EMSY: variants seen among roughly 807,000 people sequenced by gnomAD.
EMSY encodes EMSY transcriptional repressor, BRCA2 interacting, also known as BRCA2-interacting transcriptional repressor EMSY.
Under a neutral mutation model 134.6 loss-of-function variants are expected in EMSY, and 26 were observed. The ratio of observed to expected loss-of-function variants is 0.19; its 90% confidence interval spans 0.14 to 0.27. The LOEUF (loss-of-function observed/expected upper bound fraction) is 0.27. EMSY is among the 10% of genes least tolerant of loss of function. The pLI, the probability that EMSY is intolerant of heterozygous loss-of-function variation, is 1.00. For missense variants in EMSY, 1,305 were observed against 1,611.4 expected, an observed-to-expected ratio of 0.81 and a Z score of 3.26; for synonymous variants, 579 against 577.8, an observed-to-expected ratio of 1.00 and a Z score of -0.03.
At chr11:76,533,813 C>T (rs1951129759) in intron 14 of EMSY, among the ~76,000 whole-genome samples, 1 of 152,174 alleles carries the variant, frequency 6.6e-6, no homozygotes, top group Non-Finnish European at 1.5e-5. Context: ...ACGCACACTG[C>T]ATAAGCACAT....
chr11:76,545,651 C>A, intron 19 of EMSY, 146 bp from the exon 21 acceptor site: 1 of 1,010,526 alleles, frequency 9.9e-7, no homozygotes, highest in South Asian at 1.8e-5. Context: ...CCTTCCTATC[C>A]AGCCCTCTTT....
chr11:76,552,009 A>G (rs1951847862), downstream of EMSY: 1 of 152,214 alleles, frequency 6.6e-6, no homozygotes, highest in Non-Finnish European at 1.5e-5. Flanking sequence ...GTGTCCCTTG[A>G]GAATTTAGCC....
At chr11:76,469,703 T>TATC (rs1164370270) in intron 7 of EMSY, among the ~76,000 whole-genome samples, 1 of 152,160 alleles carries the variant, frequency 6.6e-6, no homozygotes, top group Non-Finnish European at 1.5e-5. Flanking sequence ...TAGGTATTAT[T>TATC]ATCCCCATTT....
intron 8 of EMSY, among the ~76,000 whole-genome samples, chr11:76,473,483 AT>A (rs1385515749): frequency 2.0e-5 from 3 of 150,746 alleles, no homozygotes; most frequent in Admixed American, 1.3e-4. Flanking sequence ...TTTTTTTTGT[AT>A]TTTTGGTAGA....
chr11:76,448,443 G>C (rs562110681), intron 2 of EMSY, among the ~76,000 whole-genome samples: 2 of 152,058 alleles, frequency 1.3e-5, no homozygotes, highest in African/African-American at 4.8e-5. Context: ...ATATTTATTT[G>C]ATAGCTGAAA....
exon 9 of EMSY, chr11:76,496,307 C>A (rs756104983): frequency 6.2e-7 from 1 of 1,614,078 alleles, no homozygotes; most frequent in Non-Finnish European, 8.5e-7. Flanking sequence ...TGCACAGTTC[C>A]CTAAACAACA....
At chr11:76,451,783 T>C in intron 2 of EMSY, 75 bp from the exon 3 acceptor site, 1 of 856,936 alleles carries the variant, frequency 1.2e-6, no homozygotes, top group Non-Finnish European at 1.7e-6. Flanking sequence ...TTTTTTGCCC[T>C]GAAGTTTCAC....
chr11:76,498,388 G>A (rs981171596), intron 9 of EMSY, among the ~76,000 whole-genome samples: 1 of 152,144 alleles, frequency 6.6e-6, no homozygotes, highest in Non-Finnish European at 1.5e-5. Context: ...TGAATTTTCT[G>A]CATAGTAGTT....
intron 2 of EMSY, 61 bp downstream of exon 2, chr11:76,447,069 G>T: frequency 1.3e-6 from 2 of 1,510,518 alleles, no homozygotes; most frequent in South Asian, 1.1e-5. Flanking sequence ...TTTCTGCCTA[G>T]GTCATAGCTG....
At chr11:76,496,848 G>A (rs1949677341) in intron 9 of EMSY, 2 of 301,208 alleles carry the variant, frequency 6.6e-6, no homozygotes, top group South Asian at 3.1e-5. Flanking sequence ...GGACAGTTTT[G>A]TTTCTTCCTT....
chr11:76,495,834 G>T (rs558662136), intron 8 of EMSY, among the ~76,000 whole-genome samples: 2 of 152,130 alleles, frequency 1.3e-5, no homozygotes, highest in East Asian at 3.9e-4. Context: ...ATATAAATAA[G>T]ATTCAAAAAT....
intron 8 of EMSY, among the ~76,000 whole-genome samples, chr11:76,483,789 C>T (rs564643962): frequency 6.6e-6 from 1 of 152,264 alleles, no homozygotes; most frequent in South Asian, 2.1e-4. Context: ...GACTCCCACA[C>T]AATAATAGTG....
chr11:76,544,705 G>C (rs745334045), exon 19 of EMSY: 1 of 1,614,094 alleles, frequency 6.2e-7, no homozygotes, highest in African/African-American at 1.3e-5. Flanking sequence ...TGAAAACCAC[G>C]CAGCAGCTCC....
At chr11:76,463,890 CTGT>C (rs763467033) in exon 7 of EMSY, 16 of 1,614,174 alleles carry the variant, frequency 9.9e-6, no homozygotes, top group Middle Eastern at 3.3e-4. Flanking sequence ...AGCTCCTCTC[CTGT>C]TGTTCTAAAG....
intron 1 of EMSY, among the ~76,000 whole-genome samples, chr11:76,445,880 C>T (rs1947364705): frequency 6.6e-6 from 1 of 152,180 alleles, no homozygotes; most frequent in African/African-American, 2.4e-5. Context: ...CTGGGGCGCG[C>T]AGTCCAGTTC....
intron 16 of EMSY, 35 bp downstream of exon 17, chr11:76,537,985 G>T (rs1290971675): frequency 6.6e-7 from 1 of 1,516,150 alleles, no homozygotes; most frequent in African/African-American, 1.4e-5. Flanking sequence ...ATTAAGGTAG[G>T]AGAACTACCT....
rs58727088 is a variant in EMSY at position 76,503,318 on chromosome 11, A to G, written c.1363+6849A>G. On this transcript the variant is annotated intron_variant, in intron 9 of 20. Coordinates refer to ENST00000334736, the Ensembl canonical transcript of EMSY. ...GTGGTCTCAAAAAAAAAAAAAAAAA[A>G]AAAAAGAAGAAGAAGGAGAGGACTC... 7.6e-3 allele frequency among the ~76,000 whole-genome samples: 1,142 copies of G among 150,572 alleles called. 18 individuals carry two copies. Among genetic ancestry groups the G allele is most frequent in the African/African-American group, 0.027 (1,091 of 40,718 alleles).
intron 8 of EMSY, among the ~76,000 whole-genome samples, chr11:76,494,696 TTCCTTCCTTCCTTCCTTCCTTCCTTCC>T (rs1338438573): frequency 1.5e-4 from 18 of 119,926 alleles, no homozygotes; most frequent in African/African-American, 5.7e-4. Flanking sequence ...CCTTCCTTCC[TTCCTTCCTTCCTTCCTTCCTTCCTTCC>T]TTCCTTCCTT....
chr11:76,503,719 CAATG>C (rs1159405328), intron 9 of EMSY, among the ~76,000 whole-genome samples: 1 of 152,098 alleles, frequency 6.6e-6, no homozygotes, highest in Non-Finnish European at 1.5e-5. Flanking sequence ...TTGGATATAA[CAATG>C]AAAGCATGAG....
Sources: gnomAD v4.1 joint callset for allele counts (sites outside exome capture counted in the v4.1 genomes callset) on GRCh38, gnomAD v4.1.1 for gene constraint, MANE v1.5 for transcripts, NCBI Gene and HGNC (gene_info 2026-07-23, HGNC 2026-07-21) for gene names.